The following FBXO41 variants were observed in gnomAD, a reference collection of about 807,000 sequenced individuals.
The protein encoded by FBXO41 is F-box only protein 41.
A neutral mutation model predicts 81.6 loss-of-function variants in FBXO41; 33 were observed. The ratio of observed to expected loss-of-function variants is 0.40; its 90% CI spans 0.31 to 0.54. FBXO41 has a LOEUF of 0.54. Ranked by LOEUF, FBXO41 falls within the 20% of genes least tolerant of loss-of-function variation. The probability of loss-of-function intolerance (pLI) is 0.39; values close to 1 mark genes in which losing one functional copy is unlikely to be tolerated. For missense variants in FBXO41, 1,107 were observed against 1,236.0 expected, an observed-to-expected ratio of 0.90 and a Z score of 1.56; for synonymous variants, 576 against 552.7, an observed-to-expected ratio of 1.04 and a Z score of -0.59.
At chr2:73,272,789 C>T (rs1276069606) in intron 1 of FBXO41, among the ~76,000 whole-genome samples, 1 of 152,214 alleles carries the variant, frequency 6.6e-6, no homozygotes, top group Non-Finnish European at 1.5e-5. Flanking sequence ...TCATAGAGGT[C>T]TCTAGCTTTG....
At position 73,269,415 on chromosome 2, in the gene FBXO41, GGC is replaced by G; in HGVS notation, c.214_215del (p.Ala72ProfsTer54). 1 of 1,407,616 alleles carries G rather than the reference GGC, an allele frequency of 7.1e-7. No individual in the cohort carries two copies. Among genetic ancestry groups the G allele is most frequent in the Non-Finnish European group, 9.2e-7 (1 of 1,084,666 alleles). The allele number at this position is 1,407,616 out of a possible 1,614,324, so 87.2% of individuals were successfully genotyped here. A position where few individuals can be genotyped will look rare whatever the true frequency, so the allele number is the denominator to read the frequency against. On this transcript the variant is annotated frameshift_variant, in exon 2 of 13. Transcript: ENST00000520530. LOFTEE classifies it high-confidence loss of function. The surrounding 1 kb of genome is among the most constrained non-coding windows in gnomAD (Gnocchi z 7.0). ...SGFPLAPEPA[A>X]LLAVPGARRE... The stretch of plus-strand genomic sequence containing the variant: ...GCCGGGCGCCGGGCACGGCCAGCAG[GGC>G]GGCGGGCTCGGGAGCCAGCGGGAAC...
chr2:73,281,885 C>T (rs1688856114), intron 1 of FBXO41, among the ~76,000 whole-genome samples: 1 of 152,270 alleles, frequency 6.6e-6, no homozygotes, highest in Admixed American at 6.5e-5. Flanking sequence ...CCAGTACTAC[C>T]TGACTACCAA....
chr2:73,266,116 C>T lies in FBXO41; in HGVS notation c.1132-150G>A. On this transcript the variant is annotated intron_variant, in intron 3 of 12. Coordinates refer to ENST00000520530, the MANE Select transcript of FBXO41 (RefSeq NM_001371389.2). This position sits in a 1 kb window ranked among gnomAD's most constrained non-coding sequence, Gnocchi z 5.3. Reference sequence around the variant, plus strand: ...TAGTTGGGAAAGATGGACAAATGGACAGACAGACAGCCCAGAGAGGCAGGC... The same window carrying T: ...TAGTTGGGAAAGATGGACAAATGGATAGACAGACAGCCCAGAGAGGCAGGC... The T allele has an allele frequency of 1.3e-6, 1 of 771,570 alleles. No homozygotes were observed. The highest frequency in any genetic ancestry group is 2.2e-5 in the Admixed American group (1 of 45,700). The allele number at this position is 771,570 out of a possible 1,614,324, so 47.8% of individuals were successfully genotyped here.
rs1195032182 is a variant in FBXO41 at position 73,260,678 on chromosome 2, G to A, written c.2290+62C>T. The A allele has an allele frequency of 3.3e-6, 5 of 1,516,394 alleles. No individual in the cohort carries two copies. Among genetic ancestry groups the A allele is most frequent in the Non-Finnish European group, 4.4e-6 (5 of 1,123,868 alleles). 93.9% of individuals were successfully genotyped at this position (1,516,394 alleles called of 1,614,324 possible). ...CCCAAGCCCCTGTGGGATTTCACAAGGCAGCACTGCACCCATGCCTGCTTC... is the reference window on the plus strand; with the variant it reads ...CCCAAGCCCCTGTGGGATTTCACAAAGCAGCACTGCACCCATGCCTGCTTC... On this transcript the variant is annotated intron_variant, in intron 10 of 12. Transcript: ENST00000520530. The surrounding 1 kb of genome is among the most constrained non-coding windows in gnomAD (Gnocchi z 5.0).
chr2:73,263,093 T>G (rs1000551221), intron 9 of FBXO41, 120 bp downstream of exon 9: 1 of 769,098 alleles, frequency 1.3e-6, no homozygotes, highest in Non-Finnish European at 2.0e-6. Flanking sequence ...AATGGACAGA[T>G]TAATGTGTGT....
At position 73,260,635 on chromosome 2, in the gene FBXO41, C is replaced by T; in HGVS notation, c.2291-88G>A. On this transcript the variant is annotated intron_variant, in intron 10 of 12. Transcript: ENST00000520530. The surrounding 1 kb of genome is among the most constrained non-coding windows in gnomAD (Gnocchi z 5.0). ...CCCTGGCTACCACCCTGCCACCTGC[C>T]ACCACCCAGGCTGCAGCCCCAAGCC... 1 of 1,534,908 alleles carries T rather than the reference C, an allele frequency of 6.5e-7. No homozygotes were observed. Among genetic ancestry groups the T allele is most frequent in the Non-Finnish European group, 8.8e-7 (1 of 1,136,146 alleles).
At chr2:73,270,980 A>G (rs527554956) in intron 1 of FBXO41, 30 of 529,662 alleles carry the variant, frequency 5.7e-5, no homozygotes, top group Admixed American at 9.8e-5. Context: ...CACAGCTGCC[A>G]TGAGCTTTCC....
Position 73,266,761 on chromosome 2 carries a change from C to T in FBXO41, c.906-79G>A, listed in dbSNP as rs1192910012. On this transcript the variant is annotated intron_variant, in intron 2 of 12. Coordinates refer to ENST00000520530, the MANE Select transcript of FBXO41 (RefSeq NM_001371389.2). This position sits in a 1 kb window ranked among gnomAD's most constrained non-coding sequence, Gnocchi z 5.3. Reference sequence around the variant, plus strand: ...CCTCTGGAGGAGAGCCTGGCCAGTGCGGGGAGACACTGGCACAGCTGCCTG... The same window carrying T: ...CCTCTGGAGGAGAGCCTGGCCAGTGTGGGGAGACACTGGCACAGCTGCCTG... 21 of 1,451,456 alleles carry T rather than the reference C, an allele frequency of 1.4e-5. No individual in the cohort carries two copies. In the Admixed American group the frequency reaches 4.2e-4, roughly 29 times the overall value. 89.9% of individuals were successfully genotyped at this position (1,451,456 alleles called of 1,614,324 possible).
chr2:73,276,800 A>T (rs1394200099), intron 1 of FBXO41, among the ~76,000 whole-genome samples: 1 of 150,520 alleles, frequency 6.6e-6, no homozygotes, highest in African/African-American at 2.5e-5. Context: ...GAAGAAATAG[A>T]AAACTTGAAT....
In FBXO41 at chr2:73,266,015, G is replaced by C. The variant is rs1178349392; in HGVS notation, c.1132-49C>G. 1 of 1,514,426 alleles carries C rather than the reference G, an allele frequency of 6.6e-7. No homozygotes were observed. The highest frequency in any genetic ancestry group is 2.5e-5 in the East Asian group (1 of 40,702). The allele number at this position is 1,514,426 out of a possible 1,614,324, so 93.8% of individuals were successfully genotyped here. Reference sequence around the variant, plus strand: ...TAAAGGAGAGGGGCGGAGGAGGCAAGAGGATGAGCAGGAATAGCAGGGGAA... The same window carrying C: ...TAAAGGAGAGGGGCGGAGGAGGCAACAGGATGAGCAGGAATAGCAGGGGAA... On this transcript the variant is annotated intron_variant, in intron 3 of 12. Transcript: ENST00000520530. This position sits in a 1 kb window ranked among gnomAD's most constrained non-coding sequence, Gnocchi z 5.3.
chr2:73,281,875 C>A (rs1688855929), intron 1 of FBXO41, among the ~76,000 whole-genome samples: 1 of 152,222 alleles, frequency 6.6e-6, no homozygotes, highest in African/African-American at 2.4e-5. Context: ...GGATTTGAAC[C>A]CAGTACTACC....
chr2:73,271,748 A>AG (rs1457476331), intron 1 of FBXO41, among the ~76,000 whole-genome samples: 6 of 151,658 alleles, frequency 4.0e-5, no homozygotes, highest in Non-Finnish European at 1.5e-5. Context: ...CTCCTGCCTC[A>AG]GCCTCCCGAG....
At position 73,259,746 on chromosome 2, in the gene FBXO41, C is replaced by A. The variant is rs576740784; in HGVS notation, c.2450-450G>T. ...TCGGGGGAGGTAGAGGAAGATCAGG[C>A]GACTGAGAAGGGCCTGGAGGTCATG... On this transcript the variant is annotated intron_variant, in intron 11 of 12. Coordinates refer to ENST00000520530, the MANE Select transcript of FBXO41 (RefSeq NM_001371389.2). The surrounding 1 kb of genome is among the most constrained non-coding windows in gnomAD (Gnocchi z 4.2). Among the ~76,000 whole-genome samples, 5 of 152,126 alleles carry A rather than the reference C, an allele frequency of 3.3e-5. No individual in the cohort carries two copies. The East Asian group carries it at 9.7e-4, about 29-fold the overall frequency.
In FBXO41 at chr2:73,263,966, T is replaced by C. The variant is rs766309798; in HGVS notation, c.1894A>G (p.Ser632Gly). The change falls in exon 7 of 13, where the codon AGC becomes GGC. Residue 632 changes from serine (S) to glycine (G), a missense_variant. This residue lies in a region of FBXO41 where 336 missense variants were observed against 446.7 expected (regional missense o/e 0.75). Coordinates refer to ENST00000520530, the MANE Select transcript of FBXO41 (RefSeq NM_001371389.2). ...LKPRQRGKKE[S>G]KEEYARSTRG... Reference sequence around the variant, plus strand: ...GTGCTCCGGGCATACTCCTCCTTGCTCTCCTTCTTTCCCCGCTGCCGGGGC... The same window carrying C: ...GTGCTCCGGGCATACTCCTCCTTGCCCTCCTTCTTTCCCCGCTGCCGGGGC... 3 of 1,608,310 alleles carry C rather than the reference T, an allele frequency of 1.9e-6. No individual in the cohort carries two copies. In the East Asian group the frequency reaches 6.7e-5, roughly 36 times the overall value.
chr2:73,276,835 G>A (rs932766393), intron 1 of FBXO41, among the ~76,000 whole-genome samples: 1 of 150,328 alleles, frequency 6.7e-6, no homozygotes, highest in Non-Finnish European at 1.5e-5. Context: ...AGACAAAACT[G>A]AAGAAGTTGG....
rs767851169 is a variant in FBXO41, at chr2:73,268,771, T to C, written c.860A>G (p.Lys287Arg). ...CTGTTCCTTGTGCACCAGGTCCTGC[T>C]TGAGTGAGGCCAGCAGCTCTACGCT... is the stretch of plus-strand genomic sequence containing the variant. The part of the protein sequence containing the change: ...DVSVELLASL[K>R]QDLVHKEQEL... The change falls in exon 2 of 13, where the codon AAG becomes AGG. Residue 287 changes from lysine (K) to arginine (R), a missense_variant. Around this residue, in one of 2 missense-constraint regions of FBXO41, gnomAD observed 771 missense variants for 789.2 expected, o/e 0.98. Coordinates refer to ENST00000520530, the MANE Select transcript of FBXO41 (RefSeq NM_001371389.2). The C allele has an allele frequency of 1.3e-6, 2 of 1,575,616 alleles. No homozygotes were observed. The highest frequency in any genetic ancestry group is 1.2e-5 in the South Asian group (1 of 85,312).
At position 73,265,947 on chromosome 2, in the gene FBXO41, G is replaced by A. The variant is rs374564267; in HGVS notation, c.1151C>T (p.Pro384Leu). The stretch of plus-strand genomic sequence containing the variant: ...CACTGCATATGTGTTAGGCACGGCC[G>A]GGCCCACGTGGTGTTCTCGCTGTGG... The part of the protein sequence containing the change: ...PGRMREHHVG[P>L]AVPNTYAVSR... Residue 384 changes from proline (P) to leucine (L), a missense_variant, in exon 4 of 13, where the codon CCG becomes CTG. Transcript: ENST00000520530. The A allele has an allele frequency of 1.1e-4, 172 of 1,578,096 alleles. No homozygotes were observed. Among genetic ancestry groups the A allele is most frequent in the South Asian group, 5.5e-4 (47 of 85,918 alleles).
In FBXO41 at chr2:73,266,512, C is replaced by G. The variant is rs1688282133; in HGVS notation, c.1076G>C (p.Gly359Ala). Residue 359 changes from glycine (G) to alanine (A), a missense_variant, in exon 3 of 13, where the codon GGC becomes GCC. Transcript: ENST00000520530. The surrounding 1 kb of genome is among the most constrained non-coding windows in gnomAD (Gnocchi z 5.3). ...SCGSTPSASL[G>A]RGGGGGGAGP... Reference sequence around the variant, plus strand: ...AGCACCACCGCCCCCACCTCCACGGCCCAGGCTGGCGCTGGGCGTGCTGCC... The same window carrying G: ...AGCACCACCGCCCCCACCTCCACGGGCCAGGCTGGCGCTGGGCGTGCTGCC... 3 of 1,598,822 alleles carry G rather than the reference C, an allele frequency of 1.9e-6. No homozygotes were observed. The African/African-American group carries it at 4.0e-5, about 21-fold the overall frequency.
rs1187172385 is a variant in FBXO41 at position 73,259,760 on chromosome 2, C to T, written c.2450-464G>A. ...GGAAGATCAGGCGACTGAGAAGGGC[C>T]TGGAGGTCATGATTCTGGAGGCTGA... On this transcript the variant is annotated intron_variant, in intron 11 of 12. Coordinates refer to ENST00000520530, the MANE Select transcript of FBXO41 (RefSeq NM_001371389.2). The surrounding 1 kb of genome is among the most constrained non-coding windows in gnomAD (Gnocchi z 4.2). Among the ~76,000 whole-genome samples the T allele has an allele frequency of 6.6e-6, 1 of 152,052 alleles. No individual in the cohort carries two copies. The highest frequency in any genetic ancestry group is 1.5e-5 in the Non-Finnish European group (1 of 68,016).
Sources: gnomAD v4.1 joint callset for allele counts (sites outside exome capture counted in the v4.1 genomes callset) on GRCh38, gnomAD v4.1.1 for gene constraint, gnomAD v4.1.1 regional missense constraint, Gnocchi (gnomAD v3.1) non-coding constraint, MANE v1.5 for transcripts, NCBI Gene and HGNC (gene_info 2026-07-23, HGNC 2026-07-21) for gene names.